GRID2: variants seen among roughly 807,000 people sequenced by gnomAD.
The protein encoded by GRID2 is glutamate receptor ionotropic, delta-2.
Under a neutral mutation model 114.8 loss-of-function variants are expected in GRID2, and 33 were observed. The observed-to-expected ratio is 0.29, with a 90% CI of 0.22 to 0.38. The LOEUF is 0.38. Ranked by LOEUF, GRID2 falls within the 10% of genes least tolerant of loss-of-function variation. The pLI is 1.00. For missense variants in GRID2, 1,184 were observed against 1,257.7 expected, an observed-to-expected ratio of 0.94 and a Z score of 0.89; for synonymous variants, 505 against 449.9, an observed-to-expected ratio of 1.12 and a Z score of -1.55.
At chr4:92,466,983 T>C (rs571347675) in intron 1 of GRID2, among the ~76,000 whole-genome samples, 1 of 151,824 alleles carries the variant, frequency 6.6e-6, no homozygotes, top group South Asian at 2.1e-4. Context: ...TGTTTTAAAA[T>C]CTTAATTATC....
chr4:93,044,365 AG>A (rs1725920988), intron 2 of GRID2, among the ~76,000 whole-genome samples: 1 of 152,118 alleles, frequency 6.6e-6, no homozygotes, highest in Admixed American at 6.6e-5. Context: ...TAGTTTAAAA[AG>A]CATCTTTTTT....
rs114217085 is a variant in GRID2, at chr4:93,769,942, A to C, written c.2601+492A>C. ...TTCTCTACTCATGTAGACCTATAGA[A>C]GCTCTTCGATGGCCCCAAGCTTATC... On this transcript the variant is annotated intron_variant, in intron 15 of 15. Transcript: ENST00000282020. Among the ~76,000 whole-genome samples the C allele has an allele frequency of 3.6e-3, 547 of 152,306 alleles. 4 individuals are homozygous for C. The highest frequency in any genetic ancestry group is 0.013 in the African/African-American group (522 of 41,562).
chr4:92,898,949 A>G lies in GRID2; in HGVS notation c.245-186046A>G, dbSNP rs896521152. Among the ~76,000 whole-genome samples, 5 of 152,254 alleles carry G rather than the reference A, an allele frequency of 3.3e-5. No homozygotes were observed. The East Asian group carries it at 5.8e-4, about 18-fold the overall frequency. The stretch of plus-strand genomic sequence containing the variant: ...CTTTAATTTTGTATAGACTTTTCCA[A>G]TTACAAAGAGTTTTACACAACATAA... On this transcript the variant is annotated intron_variant, in intron 2 of 15. Transcript: ENST00000282020.
At chr4:93,150,166 A>C (rs80057089) in intron 4 of GRID2, among the ~76,000 whole-genome samples, 3,356 of 152,190 alleles carry the variant, frequency 0.022, 40 homozygotes, top group Middle Eastern at 0.055. Flanking sequence ...GTTAATTCTG[A>C]GTTTCAGATT....
chr4:93,624,870 A>G (rs1339736379), intron 13 of GRID2, among the ~76,000 whole-genome samples: 1 of 141,346 alleles, frequency 7.1e-6, no homozygotes, highest in African/African-American at 3.2e-5. Context: ...TACTGAGGGG[A>G]AAAAAAATAA....
chr4:92,830,083 C>T (rs368151520), intron 2 of GRID2, among the ~76,000 whole-genome samples: 8 of 149,894 alleles, frequency 5.3e-5, no homozygotes, highest in Non-Finnish European at 1.0e-4. Context: ...TGTATTCCAG[C>T]GCTTAAAATA....
chr4:92,850,515 A>T (rs1743694967), intron 2 of GRID2, among the ~76,000 whole-genome samples: 1 of 151,916 alleles, frequency 6.6e-6, no homozygotes, highest in Admixed American at 6.6e-5. Context: ...TTCATACATA[A>T]ACTTAGAAGA....
chr4:93,022,816 G>T (rs1723507973), intron 2 of GRID2, among the ~76,000 whole-genome samples: 4 of 151,822 alleles, frequency 2.6e-5, no homozygotes, highest in African/African-American at 9.7e-5. Flanking sequence ...GTAAAAACTT[G>T]ATATAATAGT....
chr4:93,479,120 A>C (rs2149444716), intron 11 of GRID2, among the ~76,000 whole-genome samples: 1 of 152,196 alleles, frequency 6.6e-6, no homozygotes, highest in Non-Finnish European at 1.5e-5. Flanking sequence ...CAGTGCATAT[A>C]AAAGTTAGGT....
intron 8 of GRID2, among the ~76,000 whole-genome samples, chr4:93,391,359 G>A (rs1453014083): frequency 6.6e-6 from 1 of 152,102 alleles, no homozygotes; most frequent in Non-Finnish European, 1.5e-5. Context: ...ACATTTCTAA[G>A]TGGCTGGCTT....
intron 13 of GRID2, among the ~76,000 whole-genome samples, chr4:93,555,297 G>T (rs988616907): frequency 6.6e-6 from 1 of 152,158 alleles, no homozygotes; most frequent in Non-Finnish European, 1.5e-5. Context: ...AAGCCAGGGA[G>T]CCAAGTGGTC....
chr4:93,422,720 T>C, intron 9 of GRID2, 51 bp from the exon 10 acceptor site: 3 of 1,120,148 alleles, frequency 2.7e-6, no homozygotes, highest in Non-Finnish European at 4.0e-6. Flanking sequence ...AATCTTTGCT[T>C]TTAGGGAGCA....
intron 2 of GRID2, among the ~76,000 whole-genome samples, chr4:92,926,323 C>T (rs1749806114): frequency 6.6e-6 from 1 of 151,882 alleles, no homozygotes; most frequent in African/African-American, 2.4e-5. Flanking sequence ...GATGTTAAGT[C>T]ACATGTTTTA....
At chr4:93,029,908 C>A (rs1014226851) in intron 2 of GRID2, among the ~76,000 whole-genome samples, 5 of 152,166 alleles carry the variant, frequency 3.3e-5, no homozygotes, top group Non-Finnish European at 7.4e-5. Context: ...ATGTGCCAGG[C>A]TGCTCTTTCT....
chr4:93,587,950 A>T (rs1737710123), intron 13 of GRID2, among the ~76,000 whole-genome samples: 1 of 152,138 alleles, frequency 6.6e-6, no homozygotes, highest in African/African-American at 2.4e-5. Flanking sequence ...AAATTAGATA[A>T]ACCCAGGGAT....
chr4:93,075,632 A>C (rs901614941), intron 2 of GRID2, among the ~76,000 whole-genome samples: 2 of 152,194 alleles, frequency 1.3e-5, no homozygotes, highest in African/African-American at 4.8e-5. Flanking sequence ...TATGAGATTA[A>C]TACACAAAAT....
intron 2 of GRID2, among the ~76,000 whole-genome samples, chr4:92,728,178 G>T (rs1409587984): frequency 6.6e-6 from 1 of 151,942 alleles, no homozygotes; most frequent in African/African-American, 2.4e-5. Flanking sequence ...AGGGTATAAT[G>T]TGATTGAACC....
chr4:92,854,839 T>TGGCAAAA (rs1358848420), intron 2 of GRID2, among the ~76,000 whole-genome samples: 2 of 151,992 alleles, frequency 1.3e-5, no homozygotes, highest in Admixed American at 1.3e-4. Context: ...GTTTATAGTT[T>TGGCAAAA]ATAGAACAAT....
intron 11 of GRID2, among the ~76,000 whole-genome samples, chr4:93,486,949 A>G (rs1399381914): frequency 1.3e-5 from 2 of 151,736 alleles, no homozygotes; most frequent in Non-Finnish European, 3.0e-5. Flanking sequence ...TGTTAGTAAG[A>G]CCACTGGCCT....
Sources: allele counts gnomAD v4.1 joint callset (sites outside exome capture counted in the v4.1 genomes callset), GRCh38; gene constraint gnomAD v4.1.1; transcripts MANE v1.5; gene names NCBI Gene and HGNC (gene_info 2026-07-23, HGNC 2026-07-21).